The following WDPCP variants were observed in gnomAD, a reference collection of about 807,000 sequenced individuals.
The protein encoded by WDPCP is WD repeat-containing and planar cell polarity effector protein fritz homolog.
WDPCP carries 71 observed loss-of-function variants against 93.1 expected under a neutral mutation model. That is an observed-to-expected ratio of 0.76 (90% confidence interval 0.63 to 0.93). The LOEUF is 0.93. Among genes scored for constraint, WDPCP ranks in the 40% least tolerant of loss-of-function variants. The probability of loss-of-function intolerance (pLI) is 0.00; values close to 1 mark genes in which losing one functional copy is unlikely to be tolerated. For synonymous variants in WDPCP, 315 were observed against 315.0 expected (o/e 1.00, Z 0.00); for missense variants, 844 against 887.4 (o/e 0.95, Z 0.62).
At chr2:63,377,311 TA>T (rs975987472) in intron 12 of WDPCP, among the ~76,000 whole-genome samples, 2 of 151,676 alleles carry the variant, frequency 1.3e-5, no homozygotes, top group African/African-American at 2.4e-5. Flanking sequence ...TATAACAGAT[TA>T]TATTATTAGT....
intron 1 of WDPCP, among the ~76,000 whole-genome samples, chr2:63,524,938 T>C (rs1168964028): frequency 6.6e-6 from 1 of 152,062 alleles, no homozygotes; most frequent in Admixed American, 6.5e-5. Context: ...CAAAGACACA[T>C]GCATGCTTAT....
At position 63,693,240 on chromosome 2, in the gene WDPCP, T is replaced by C. The variant is rs114031644; in HGVS notation, n.309-42402A>G. 9.5e-3 allele frequency among the ~76,000 whole-genome samples: 1,439 copies of C among 152,274 alleles called. 12 individuals carry two copies. The highest frequency in any genetic ancestry group is 0.016 in the Admixed American group (244 of 15,296). ...GGACTATAAACTAGGGAATAAACTT[T>C]ACATTGGTAAGATGTTTTATAGTTT... On this transcript the variant is annotated intron_variant and non_coding_transcript_variant, in intron 2 of 4. Transcript: ENST00000467687.
intron 14 of WDPCP, among the ~76,000 whole-genome samples, chr2:63,239,035 G>A (rs893917903): frequency 3.3e-5 from 5 of 152,272 alleles, no homozygotes; most frequent in South Asian, 2.1e-4. Context: ...TCATGAGGCC[G>A]TAGAATACAG....
At chr2:63,413,702 G>A (rs1275636248) in intron 9 of WDPCP, among the ~76,000 whole-genome samples, 1 of 152,178 alleles carries the variant, frequency 6.6e-6, no homozygotes, top group Non-Finnish European at 1.5e-5. Context: ...GGAGGCTGAG[G>A]CAGGAGAATG....
At chr2:63,747,902 C>A (rs542752911) in intron 2 of WDPCP, among the ~76,000 whole-genome samples, 1 of 151,836 alleles carries the variant, frequency 6.6e-6, no homozygotes, top group East Asian at 1.9e-4. Flanking sequence ...TCTTCTAGTT[C>A]TATTGTTTCT....
intron 14 of WDPCP, among the ~76,000 whole-genome samples, chr2:63,217,945 G>T (rs1045057042): frequency 1.3e-5 from 2 of 152,112 alleles, no homozygotes; most frequent in African/African-American, 4.8e-5. Flanking sequence ...GCTATTTAAG[G>T]TTGTCCCCTT....
At chr2:63,330,703 T>G (rs1477899434) in intron 12 of WDPCP, among the ~76,000 whole-genome samples, 1 of 152,178 alleles carries the variant, frequency 6.6e-6, no homozygotes, top group Non-Finnish European at 1.5e-5. Flanking sequence ...TCTAGCAGTT[T>G]TAGTTTCACA....
chr2:63,801,695 C>T (rs966350916), intron 2 of WDPCP, among the ~76,000 whole-genome samples: 15 of 152,146 alleles, frequency 9.9e-5, no homozygotes, highest in Non-Finnish European at 1.8e-4. Context: ...ATTTTACAAA[C>T]CTCTGGTAAG....
At chr2:63,546,867 A>G (rs1705190152) in intron 1 of WDPCP, among the ~76,000 whole-genome samples, 1 of 152,090 alleles carries the variant, frequency 6.6e-6, no homozygotes, top group Admixed American at 6.6e-5. Flanking sequence ...ATATCTAAAG[A>G]CATAAAAAAC....
At chr2:63,775,074 G>C (rs191750784) in intron 2 of WDPCP, among the ~76,000 whole-genome samples, 2 of 152,216 alleles carry the variant, frequency 1.3e-5, no homozygotes, top group Admixed American at 1.3e-4. Flanking sequence ...AATATATAAA[G>C]TATATATTCA....
intron 2 of WDPCP, among the ~76,000 whole-genome samples, chr2:63,709,784 A>T (rs185991394): frequency 2.6e-4 from 40 of 152,324 alleles, no homozygotes; most frequent in African/African-American, 9.6e-4. Context: ...GCTGAAACTT[A>T]AGGAAATTAT....
At chr2:63,220,168 A>G (rs1208487156) in intron 14 of WDPCP, among the ~76,000 whole-genome samples, 1 of 152,242 alleles carries the variant, frequency 6.6e-6, no homozygotes, top group East Asian at 1.9e-4. Flanking sequence ...TTAAGCCAAT[A>G]AAAGTTGCAC....
chr2:63,458,220 T>C (rs1274192394), intron 6 of WDPCP, among the ~76,000 whole-genome samples: 1 of 107,292 alleles, frequency 9.3e-6, no homozygotes, highest in East Asian at 3.1e-4. Context: ...GACAGAGCAG[T>C]CAGGCAAGAA....
chr2:63,271,292 C>A (rs1682618254), intron 13 of WDPCP, among the ~76,000 whole-genome samples: 1 of 152,224 alleles, frequency 6.6e-6, no homozygotes, highest in Non-Finnish European at 1.5e-5. Flanking sequence ...GCCCAGAGAC[C>A]AGCCAACCTG....
At chr2:63,700,485 T>G (rs1669031825) in intron 2 of WDPCP, among the ~76,000 whole-genome samples, 1 of 152,054 alleles carries the variant, frequency 6.6e-6, no homozygotes, top group African/African-American at 2.4e-5. Flanking sequence ...CAATTACAGA[T>G]GGATAACGAA....
At chr2:63,612,004 A>G (rs749989279) in intron 3 of WDPCP, among the ~76,000 whole-genome samples, 1 of 152,172 alleles carries the variant, frequency 6.6e-6, no homozygotes, top group Non-Finnish European at 1.5e-5. Flanking sequence ...AGCCATCATT[A>G]TTTCTTCATA....
At chr2:63,235,343 G>C (rs1679295666) in intron 14 of WDPCP, among the ~76,000 whole-genome samples, 3 of 152,132 alleles carry the variant, frequency 2.0e-5, no homozygotes, top group Admixed American at 2.0e-4. Flanking sequence ...TTGTGAAAAT[G>C]AATCAGTAAT....
chr2:63,242,835 C>T (rs1214428588), intron 14 of WDPCP, among the ~76,000 whole-genome samples: 1 of 152,088 alleles, frequency 6.6e-6, no homozygotes, highest in Admixed American at 6.6e-5. Flanking sequence ...GTAGCCTGAA[C>T]AAGATAGGAC....
chr2:63,124,313 G>A (rs1260865896), intron 17 of WDPCP, among the ~76,000 whole-genome samples: 1 of 151,132 alleles, frequency 6.6e-6, no homozygotes, highest in African/African-American at 2.4e-5. Flanking sequence ...TTTTTTTAAT[G>A]TGTTGAAATT....
Sources: allele counts gnomAD v4.1 joint callset (sites outside exome capture counted in the v4.1 genomes callset), GRCh38; gene constraint gnomAD v4.1.1; transcripts MANE v1.5; gene names NCBI Gene and HGNC (gene_info 2026-07-23, HGNC 2026-07-21).